ST18: variants seen among roughly 807,000 people sequenced by gnomAD.
ST18 encodes the protein ST18 C2H2C-type zinc finger transcription factor.
A neutral mutation model predicts 110.0 loss-of-function variants in ST18; 50 were observed. That is an observed-to-expected ratio of 0.45 (90% CI 0.36 to 0.58). The LOEUF is 0.58. ST18 is among the 20% of genes least tolerant of loss of function. The pLI is 0.00. For missense variants in ST18, 1,306 were observed against 1,280.1 expected, an observed-to-expected ratio of 1.02 and a Z score of -0.31; for synonymous variants, 461 against 452.4, an observed-to-expected ratio of 1.02 and a Z score of -0.24.
chr8:52,292,610 C>T (rs949593924), intron 2 of ST18, among the ~76,000 whole-genome samples: 7 of 152,296 alleles, frequency 4.6e-5, no homozygotes, highest in African/African-American at 1.4e-4. Context: ...ACACACTGTC[C>T]TATGGGGAAC....
At chr8:52,171,474 C>G (rs1201529070) in intron 10 of ST18, 1 of 434,060 alleles carries the variant, frequency 2.3e-6, no homozygotes, top group African/African-American at 2.1e-5. Flanking sequence ...CCAGTAAATA[C>G]TGATGTACTT....
In ST18 at chr8:52,198,911, C is replaced by T. The variant is rs79838348; in HGVS notation, c.86+13168G>A. ...CAACACCAGAACTACTGACAAATGA[C>T]ACTTCCCCAGGCCCACCTCCTTCCA... On this transcript the variant is annotated intron_variant, in intron 8 of 25. Transcript: ENST00000689386. Among the ~76,000 whole-genome samples the T allele has an allele frequency of 6.8e-3, 1,028 of 152,262 alleles. 10 individuals are homozygous for T. The highest frequency in any genetic ancestry group is 0.022 in the African/African-American group (917 of 41,542).
chr8:52,355,500 T>C (rs2140366831), intron 2 of ST18, among the ~76,000 whole-genome samples: 1 of 152,308 alleles, frequency 6.6e-6, no homozygotes, highest in East Asian at 1.9e-4. Context: ...AAAGGAGACA[T>C]AAAGCTCGGT....
At chr8:52,319,879 C>A (rs1317710248) in intron 2 of ST18, among the ~76,000 whole-genome samples, 1 of 152,170 alleles carries the variant, frequency 6.6e-6, no homozygotes, top group Admixed American at 6.5e-5. Context: ...AGACTTCTTC[C>A]ATGGCAACTG....
intron 8 of ST18, among the ~76,000 whole-genome samples, chr8:52,196,232 G>T (rs751042355): frequency 1.1e-4 from 17 of 152,174 alleles, no homozygotes; most frequent in Non-Finnish European, 2.1e-4. Context: ...GGTTGCTCCT[G>T]GGTCAGTGGA....
intron 2 of ST18, among the ~76,000 whole-genome samples, chr8:52,374,392 C>T (rs2140687550): frequency 6.6e-6 from 1 of 152,194 alleles, no homozygotes; most frequent in South Asian, 2.1e-4. Flanking sequence ...GTGGGAGAGG[C>T]AGGAACACAC....
chr8:52,380,543 A>G (rs1834125546), intron 2 of ST18, among the ~76,000 whole-genome samples: 1 of 152,130 alleles, frequency 6.6e-6, no homozygotes, highest in Non-Finnish European at 1.5e-5. Context: ...GAGAAAGAAC[A>G]TCTGTCTCCT....
At chr8:52,161,611 C>A (rs1407282233) in intron 13 of ST18, 43 bp from the exon 14 acceptor site, 3 of 1,600,776 alleles carry the variant, frequency 1.9e-6, no homozygotes, top group Non-Finnish European at 1.7e-6. Context: ...TACAATGAAA[C>A]TACTGGTGAG....
intron 25 of ST18, among the ~76,000 whole-genome samples, chr8:52,114,074 A>G (rs6997913): frequency 0.011 from 1,497 of 141,466 alleles, 27 homozygotes; most frequent in African/African-American, 0.039. Flanking sequence ...GGTTCAAGCG[A>G]TTCTCCTGCC....
intron 8 of ST18, chr8:52,201,477 C>G (rs1250360957): frequency 1.3e-5 from 2 of 152,244 alleles, no homozygotes; most frequent in African/African-American, 4.8e-5. Flanking sequence ...GGGTTCACTC[C>G]CCTGCCCTGA....
At position 52,294,323 on chromosome 8, in the gene ST18, G is replaced by A. The variant is rs564552162; in HGVS notation, c.-464-64246C>T. 6.6e-5 allele frequency: 10 copies of A among 152,360 alleles called. No individual in the cohort carries two copies. The East Asian group carries it at 1.9e-3, about 29-fold the overall frequency. The allele number at this position is 152,360 out of a possible 1,614,324, so 9.4% of individuals were successfully genotyped here. ...AAAGGAACTGAAAAATTGACTGGTT[G>A]AACTCCCTGAAACAAATGATGCTTG... On this transcript the variant is annotated intron_variant, in intron 2 of 25. Coordinates refer to ENST00000689386, the MANE Select transcript of ST18 (RefSeq NM_001352837.2).
intron 2 of ST18, among the ~76,000 whole-genome samples, chr8:52,296,120 A>G (rs560979719): frequency 3.3e-5 from 5 of 152,326 alleles, no homozygotes; most frequent in Non-Finnish European, 5.9e-5. Context: ...AACATCATGC[A>G]TATAAAAAAA....
At chr8:52,372,302 G>A (rs1830553817) in intron 2 of ST18, among the ~76,000 whole-genome samples, 1 of 152,132 alleles carries the variant, frequency 6.6e-6, no homozygotes, top group Admixed American at 6.5e-5. Flanking sequence ...TTATTCAGCT[G>A]TGCAATGTGT....
chr8:52,162,234 A>G (rs2061651765), intron 13 of ST18, among the ~76,000 whole-genome samples: 1 of 152,186 alleles, frequency 6.6e-6, no homozygotes, highest in South Asian at 2.1e-4. Flanking sequence ...AAGCCATGTT[A>G]CCATCAGTAA....
At chr8:52,361,619 A>G (rs964747247) in intron 2 of ST18, among the ~76,000 whole-genome samples, 1 of 152,188 alleles carries the variant, frequency 6.6e-6, no homozygotes, top group Non-Finnish European at 1.5e-5. Context: ...ATTATTTTGC[A>G]TATTTCTATT....
At chr8:52,243,718 T>G (rs543412740) in intron 2 of ST18, among the ~76,000 whole-genome samples, 2 of 152,174 alleles carry the variant, frequency 1.3e-5, no homozygotes, top group Non-Finnish European at 2.9e-5. Flanking sequence ...TTAAGGACCA[T>G]TATTATAATT....
intron 8 of ST18, among the ~76,000 whole-genome samples, chr8:52,185,157 T>C (rs970932923): frequency 6.6e-6 from 1 of 151,882 alleles, no homozygotes; most frequent in Admixed American, 6.6e-5. Flanking sequence ...CCACAAACAA[T>C]TAGAAAATAA....
chr8:52,133,150 C>G lies in ST18; in HGVS notation c.2364-13G>C. ...GCATCCGGACAAGCTGAAATAGGGACCCGACAAAGAACAAAGCAAAATTAT... is the reference window on the plus strand; with the variant it reads ...GCATCCGGACAAGCTGAAATAGGGAGCCGACAAAGAACAAAGCAAAATTAT... On this transcript the variant is annotated splice_polypyrimidine_tract_variant and intron_variant, in intron 20 of 25. Transcript: ENST00000689386. The G allele has an allele frequency of 9.9e-6, 16 of 1,614,192 alleles. No homozygotes were observed. Among genetic ancestry groups the G allele is most frequent in the Non-Finnish European group, 1.2e-5 (14 of 1,180,036 alleles).
intron 2 of ST18, among the ~76,000 whole-genome samples, chr8:52,293,270 A>G (rs1332256264): frequency 6.6e-6 from 1 of 152,252 alleles, no homozygotes; most frequent in Non-Finnish European, 1.5e-5. Context: ...TCTGTTTTGC[A>G]GGGCCAGGCT....
Sources: allele counts gnomAD v4.1 joint callset (sites outside exome capture counted in the v4.1 genomes callset), GRCh38; gene constraint gnomAD v4.1.1; transcripts MANE v1.5; gene names NCBI Gene and HGNC (gene_info 2026-07-23, HGNC 2026-07-21).